TMEM108: variants seen among roughly 807,000 people sequenced by gnomAD.
TMEM108 encodes cancer/testis antigen 124.
A neutral mutation model predicts 35.1 loss-of-function variants in TMEM108; 12 were observed. The ratio of observed to expected loss-of-function variants is 0.34; its 90% confidence interval spans 0.22 to 0.55. TMEM108 has a LOEUF of 0.55. TMEM108 is among the 20% of genes least tolerant of loss of function. TMEM108 has a pLI of 0.89. For missense variants in TMEM108, 680 were observed against 753.3 expected, an observed-to-expected ratio of 0.90 and a Z score of 1.14; for synonymous variants, 287 against 308.6, an observed-to-expected ratio of 0.93 and a Z score of 0.73.
chr3:133,239,731 T>C (rs1946286949), intron 3 of TMEM108, among the ~76,000 whole-genome samples: 1 of 152,216 alleles, frequency 6.6e-6, no homozygotes, highest in Non-Finnish European at 1.5e-5. Flanking sequence ...AGAATCGCTA[T>C]TGTAGACTTA....
At chr3:133,051,477 T>C (rs1025018516) in intron 2 of TMEM108, among the ~76,000 whole-genome samples, 2 of 152,158 alleles carry the variant, frequency 1.3e-5, no homozygotes, top group East Asian at 3.8e-4. Flanking sequence ...TCTTATTCTC[T>C]TGACCTGATG....
chr3:133,280,128 C>T (rs1158626963), intron 3 of TMEM108, among the ~76,000 whole-genome samples: 3 of 152,130 alleles, frequency 2.0e-5, no homozygotes, highest in Non-Finnish European at 2.9e-5. Flanking sequence ...TTCTTCTCCC[C>T]TGCTGAGGAG....
intron 3 of TMEM108, among the ~76,000 whole-genome samples, chr3:133,335,465 G>A (rs1050415392): frequency 6.6e-6 from 1 of 152,156 alleles, no homozygotes; most frequent in Admixed American, 6.5e-5. Flanking sequence ...CAATGAATGT[G>A]TAATGTACTA....
intron 2 of TMEM108, among the ~76,000 whole-genome samples, chr3:133,151,781 G>A (rs911305224): frequency 8.6e-5 from 13 of 152,044 alleles, no homozygotes; most frequent in African/African-American, 3.1e-4. Context: ...TATTTTAATT[G>A]TAGATTGTCA....
chr3:133,173,710 G>T (rs1004670034), intron 2 of TMEM108, among the ~76,000 whole-genome samples: 1 of 152,140 alleles, frequency 6.6e-6, no homozygotes, highest in Non-Finnish European at 1.5e-5. Flanking sequence ...ATGGCCAGGG[G>T]GTGGAGCCAA....
At chr3:133,281,932 C>A (rs1250834823) in intron 3 of TMEM108, among the ~76,000 whole-genome samples, 2 of 152,066 alleles carry the variant, frequency 1.3e-5, no homozygotes, top group Non-Finnish European at 2.9e-5. Flanking sequence ...CCAAGGTGGG[C>A]GGATCATGAG....
chr3:133,044,685 G>T (rs990933996), intron 1 of TMEM108, among the ~76,000 whole-genome samples: 4 of 152,264 alleles, frequency 2.6e-5, no homozygotes. Flanking sequence ...TTGGTGGCTC[G>T]TGCCTTTGAG....
At chr3:133,078,989 T>C (rs1294375628) in intron 2 of TMEM108, among the ~76,000 whole-genome samples, 1 of 152,228 alleles carries the variant, frequency 6.6e-6, no homozygotes, top group Non-Finnish European at 1.5e-5. Context: ...AGCCATTAAA[T>C]TGAGAAGAGA....
intron 3 of TMEM108, among the ~76,000 whole-genome samples, chr3:133,296,227 C>A (rs1947143578): frequency 6.6e-6 from 1 of 152,084 alleles, no homozygotes; most frequent in African/African-American, 2.4e-5. Context: ...AGGCAAAAAA[C>A]AAAGCAGAAG....
chr3:133,348,118 G>T (rs867117367), intron 3 of TMEM108, among the ~76,000 whole-genome samples: 17 of 150,960 alleles, frequency 1.1e-4, no homozygotes, highest in Non-Finnish European at 2.4e-4. Context: ...GAGTAATGAG[G>T]GGGGGGCCAG....
chr3:133,130,380 G>A (rs893473632), intron 2 of TMEM108, among the ~76,000 whole-genome samples: 2 of 152,204 alleles, frequency 1.3e-5, no homozygotes, highest in African/African-American at 4.8e-5. Context: ...CATCAGCTGG[G>A]TTGGCCTAGA....
At chr3:133,322,511 T>G (rs1221849625) in intron 3 of TMEM108, among the ~76,000 whole-genome samples, 1 of 151,770 alleles carries the variant, frequency 6.6e-6, no homozygotes, top group Non-Finnish European at 1.5e-5. Flanking sequence ...TAACAAATAG[T>G]GAAATTGAAA....
intron 2 of TMEM108, among the ~76,000 whole-genome samples, chr3:133,219,989 T>G (rs1176700580): frequency 3.9e-5 from 6 of 152,062 alleles, no homozygotes; most frequent in Non-Finnish European, 2.9e-5. Context: ...ATGTAGGTGC[T>G]CCAATGTTGG....
intron 3 of TMEM108, chr3:133,248,054 G>A (rs1946412652): frequency 6.6e-6 from 1 of 152,108 alleles, no homozygotes; most frequent in Admixed American, 6.6e-5. Context: ...GTCAAGCCAT[G>A]TTCTTAAATC....
At chr3:133,291,474 C>T (rs1453892015) in intron 3 of TMEM108, among the ~76,000 whole-genome samples, 1 of 152,100 alleles carries the variant, frequency 6.6e-6, no homozygotes, top group Non-Finnish European at 1.5e-5. Context: ...GACACGGTCT[C>T]CCTGTGTTGT....
chr3:133,229,438 C>T, intron 3 of TMEM108, 87 bp downstream of exon 3: 1 of 1,316,418 alleles, frequency 7.6e-7, no homozygotes, highest in Non-Finnish European at 1.1e-6. Flanking sequence ...TGGACGGAGA[C>T]CAGGGTTGGA....
intron 2 of TMEM108, among the ~76,000 whole-genome samples, chr3:133,168,324 A>T (rs1945074594): frequency 6.6e-6 from 1 of 152,180 alleles, no homozygotes; most frequent in Non-Finnish European, 1.5e-5. Context: ...GAAGCTGAGA[A>T]GTCTAAAGTT....
At chr3:133,088,532 T>G (rs1385772087) in intron 2 of TMEM108, among the ~76,000 whole-genome samples, 1 of 152,168 alleles carries the variant, frequency 6.6e-6, no homozygotes, top group Non-Finnish European at 1.5e-5. Flanking sequence ...AAAGCTTAGG[T>G]CCTTGTATTC....
At chr3:133,177,752 C>A (rs1945259602) in intron 2 of TMEM108, among the ~76,000 whole-genome samples, 1 of 152,108 alleles carries the variant, frequency 6.6e-6, no homozygotes, top group African/African-American at 2.4e-5. Flanking sequence ...AAAACTGGCA[C>A]AAGATAGGGA....
Sources: gnomAD v4.1 joint callset for allele counts (sites outside exome capture counted in the v4.1 genomes callset) on GRCh38, gnomAD v4.1.1 for gene constraint, MANE v1.5 for transcripts, NCBI Gene and HGNC (gene_info 2026-07-23, HGNC 2026-07-21) for gene names.